Variants in NRG4 observed in about 807,000 individuals in gnomAD.
NRG4 encodes neuregulin 4, also known as pro-neuregulin-4, membrane-bound isoform.
NRG4 carries 10 observed loss-of-function variants against 15.0 expected under a neutral mutation model. The observed-to-expected ratio is 0.67, with a 90% confidence interval of 0.41 to 1.13. The LOEUF (loss-of-function observed/expected upper bound fraction) is 1.13, where lower values mean the gene tolerates loss of function less well. NRG4 is among the 50% of genes most tolerant of loss of function. The pLI is 0.00. For missense variants in NRG4, 139 were observed against 140.2 expected (o/e 0.99, Z 0.04); for synonymous variants, 41 against 50.1 (o/e 0.82, Z 0.77).
At chr15:75,991,523 T>A (rs1203518775) in intron 3 of NRG4, among the ~76,000 whole-genome samples, 1 of 152,186 alleles carries the variant, frequency 6.6e-6, no homozygotes, top group Non-Finnish European at 1.5e-5. Context: ...ACATAACGTG[T>A]ACATTTAATG....
chr15:76,045,576 A>G (rs1162858759), intron 4 of NRG4, among the ~76,000 whole-genome samples: 1 of 151,012 alleles, frequency 6.6e-6, no homozygotes, highest in African/African-American at 2.5e-5. Flanking sequence ...CATACATACA[A>G]TGGAGTACTA....
In NRG4 at chr15:76,024,778, T is replaced by G. The variant is rs116568527; in HGVS notation, c.-57+11166A>C. Among the ~76,000 whole-genome samples, 1,083 of 152,300 alleles carry G rather than the reference T, an allele frequency of 7.1e-3. 19 individuals are homozygous for G. Among genetic ancestry groups the G allele is most frequent in the African/African-American group, 0.024 (992 of 41,556 alleles). On this transcript the variant is annotated intron_variant, in intron 5 of 8. Coordinates refer to the NRG4 transcript ENST00000563910. Reference sequence around the variant, plus strand: ...CACTCATAAATGTTAGTAGTGCAGATTACAGCTGAAGAAACTACATGGAGA... The same window carrying G: ...CACTCATAAATGTTAGTAGTGCAGAGTACAGCTGAAGAAACTACATGGAGA...
At chr15:75,968,211 T>A (rs1037015209) in intron 3 of NRG4, among the ~76,000 whole-genome samples, 2 of 152,290 alleles carry the variant, frequency 1.3e-5, no homozygotes, top group Admixed American at 1.3e-4. Context: ...TCTTTCTCCA[T>A]ATTAACAAAA....
chr15:75,954,985 G>A (rs1204089667), intron 5 of NRG4, among the ~76,000 whole-genome samples: 1 of 152,016 alleles, frequency 6.6e-6, no homozygotes, highest in Non-Finnish European at 1.5e-5. Context: ...ACCTTTCTAT[G>A]TACTCTACCC....
intron 3 of NRG4, among the ~76,000 whole-genome samples, chr15:75,986,263 C>T (rs1346613507): frequency 6.6e-6 from 1 of 152,140 alleles, no homozygotes; most frequent in African/African-American, 2.4e-5. Context: ...CACATTCCTA[C>T]CCAGGACAAT....
rs559964422 is a variant in NRG4, at chr15:75,958,002, A to C, written c.252-1991T>G. ...TGCTTATTTCTAAGCCTCTCACTTA[A>C]TTTTTATTTTCTATTTTTTATTTTT... On this transcript the variant is annotated intron_variant, in intron 4 of 5. Transcript: ENST00000394907. Among the ~76,000 whole-genome samples the C allele has an allele frequency of 2.9e-4, 39 of 133,952 alleles. No homozygotes were observed. In the South Asian group the frequency reaches 4.7e-3, roughly 16 times the overall value. 87.9% of individuals were successfully genotyped at this position (133,952 alleles called of 152,430 possible).
Position 75,943,386 on chromosome 15 carries a change from A to G in NRG4, c.*252T>C. The G allele has an allele frequency of 2.2e-6, 1 of 450,638 alleles. No homozygotes were observed. 27.9% of individuals were successfully genotyped at this position (450,638 alleles called of 1,614,324 possible). On this transcript the variant is annotated 3_prime_UTR_variant, in exon 6 of 6. Coordinates refer to ENST00000394907, the MANE Select transcript of NRG4 (RefSeq NM_138573.4). ...GCTTCAGCACATCAGCTTTCTGGGG[A>G]GAGTCATGTTGAACCAATGTGACTT...
intron 3 of NRG4, among the ~76,000 whole-genome samples, chr15:75,999,904 T>G (rs1212528337): frequency 6.6e-6 from 1 of 152,078 alleles, no homozygotes; most frequent in African/African-American, 2.4e-5. Context: ...CACACATCTG[T>G]AGTCCCAGCT....
intron 2 of NRG4, among the ~76,000 whole-genome samples, chr15:76,054,248 T>C (rs1335020518): frequency 6.7e-6 from 1 of 150,188 alleles, no homozygotes; most frequent in African/African-American, 2.5e-5. Flanking sequence ...CCACCACATC[T>C]GGCTAATTCT....
chr15:76,039,866 G>A (rs2035688209), intron 4 of NRG4, among the ~76,000 whole-genome samples: 1 of 152,120 alleles, frequency 6.6e-6, no homozygotes, highest in South Asian at 2.1e-4. Flanking sequence ...TGGCCAACAT[G>A]GCGAAACCCT....
intron 2 of NRG4, among the ~76,000 whole-genome samples, chr15:76,053,680 C>G (rs561756059): frequency 1.3e-5 from 2 of 150,568 alleles, no homozygotes; most frequent in Non-Finnish European, 2.9e-5. Context: ...CTCAGCCTCC[C>G]GAGTAGCTGG....
intron 4 of NRG4, among the ~76,000 whole-genome samples, chr15:75,960,698 G>C (rs1272511706): frequency 6.6e-6 from 1 of 152,094 alleles, no homozygotes; most frequent in Non-Finnish European, 1.5e-5. Flanking sequence ...CTAGATTCAA[G>C]GAATCTGTAG....
rs201414321 is a variant in NRG4, at chr15:75,961,951, G to T, written c.128C>A (p.Ala43Asp). The T allele has an allele frequency of 5.0e-6, 8 of 1,613,238 alleles. No individual in the cohort carries two copies. The South Asian group carries it at 5.5e-5, about 11-fold the overall frequency. Residue 43 changes from alanine (A) to aspartate (D), a missense_variant, in exon 4 of 6, where the codon GCT (alanine) becomes GAT (aspartate). Coordinates refer to ENST00000394907, the MANE Select transcript of NRG4 (RefSeq NM_138573.4). ...FCRCVENYTG[A>D]RCEEVFLPGS... ...TGGGAGAAAAACCTCTTCACAACGA[G>T]CTCCTGTATAGTTTTCAACGCACCT...
intron 4 of NRG4, among the ~76,000 whole-genome samples, chr15:75,957,415 T>G (rs1407056144): frequency 6.6e-6 from 1 of 152,248 alleles, no homozygotes; most frequent in African/African-American, 2.4e-5. Context: ...CTCAGCATAT[T>G]GAAAATATCA....
At chr15:75,956,562 T>C (rs2032254407) in intron 4 of NRG4, among the ~76,000 whole-genome samples, 1 of 152,214 alleles carries the variant, frequency 6.6e-6, no homozygotes, top group Non-Finnish European at 1.5e-5. Flanking sequence ...TTTTGCAGTA[T>C]GTCTATATGC....
intron 3 of NRG4, among the ~76,000 whole-genome samples, chr15:76,008,958 G>C (rs2034708441): frequency 6.6e-6 from 1 of 152,108 alleles, no homozygotes; most frequent in Non-Finnish European, 1.5e-5. Context: ...TTTTAAAAAT[G>C]TGTCTAGGCT....
At chr15:76,006,766 G>GT (rs1212304699) in intron 3 of NRG4, among the ~76,000 whole-genome samples, 2 of 152,156 alleles carry the variant, frequency 1.3e-5, no homozygotes, top group African/African-American at 4.8e-5. Context: ...TCTATCATTG[G>GT]TAACTTTTTG....
At chr15:76,036,601 T>C (rs1177881968) in intron 4 of NRG4, among the ~76,000 whole-genome samples, 2 of 152,216 alleles carry the variant, frequency 1.3e-5, no homozygotes, top group African/African-American at 4.8e-5. Context: ...TTTCTTCATC[T>C]ATACATGAGG....
intron 5 of NRG4, among the ~76,000 whole-genome samples, chr15:76,030,429 C>CT (rs1396250087): frequency 1.3e-5 from 2 of 152,112 alleles, no homozygotes; most frequent in Admixed American, 1.3e-4. Flanking sequence ...AATTAAAGAA[C>CT]CTATGCTTCT....
Sources: allele counts gnomAD v4.1 joint callset (sites outside exome capture counted in the v4.1 genomes callset), GRCh38; gene constraint gnomAD v4.1.1; transcripts MANE v1.5; gene names NCBI Gene and HGNC (gene_info 2026-07-23, HGNC 2026-07-21).